The following ADORA2B variants were observed in gnomAD, a reference collection of about 807,000 sequenced individuals.
The protein encoded by ADORA2B is adenosine A2b receptor.
ADORA2B carries 18 observed loss-of-function variants against 20.8 expected under a neutral mutation model. The ratio of observed to expected loss-of-function variants is 0.87; its 90% CI spans 0.60 to 1.29. ADORA2B has a LOEUF of 1.29. Among genes scored for constraint, ADORA2B ranks in the 50% most tolerant of loss-of-function variants. The pLI is 0.00. For synonymous variants in ADORA2B, 179 were observed against 178.3 expected (o/e 1.00, Z -0.03); for missense variants, 441 against 422.7 (o/e 1.04, Z -0.38).
chr17:15,869,337 A>AT, the ADORA2B span, among the ~76,000 whole-genome samples: 570 of 149,530 alleles, frequency 3.8e-3, 2 homozygotes, highest in Admixed American at 7.0e-3. Context: ...AATAATAATA[A>AT]TAATTATTAT....
At chr17:15,938,082 T>C in the ADORA2B span, among the ~76,000 whole-genome samples, 1 of 152,052 alleles carries the variant, frequency 6.6e-6, no homozygotes, top group Non-Finnish European at 1.5e-5. Context: ...TAGTGGATCA[T>C]ATCTGTAGTC....
chr17:15,933,831 T>A, the ADORA2B span, among the ~76,000 whole-genome samples: 1 of 152,160 alleles, frequency 6.6e-6, no homozygotes, highest in Non-Finnish European at 1.5e-5. Flanking sequence ...TGGATGCCTC[T>A]TATTTGTTTT....
chr17:15,851,902 A>G, the ADORA2B span, among the ~76,000 whole-genome samples: 1 of 152,248 alleles, frequency 6.6e-6, no homozygotes, highest in Non-Finnish European at 1.5e-5. Flanking sequence ...CATACCATGC[A>G]AGGTACTGTT....
chr17:15,864,666 C>T, the ADORA2B span, among the ~76,000 whole-genome samples: 2 of 152,142 alleles, frequency 1.3e-5, no homozygotes, highest in Non-Finnish European at 2.9e-5. Context: ...TATCTGCTGG[C>T]AATGGTTGTC....
chr17:15,886,570 A>C, the ADORA2B span, among the ~76,000 whole-genome samples: 1 of 130,520 alleles, frequency 7.7e-6, no homozygotes, highest in Non-Finnish European at 1.6e-5. Context: ...CTGCCAGTCC[A>C]CTGACCGTGG....
chr17:15,877,323 G>A, the ADORA2B span, among the ~76,000 whole-genome samples: 3 of 152,156 alleles, frequency 2.0e-5, no homozygotes, highest in Non-Finnish European at 2.9e-5. Context: ...CTTTATGCTT[G>A]AGGTTTGACT....
chr17:15,974,396 C>G (rs1016847481), intron 1 of ADORA2B: 1 of 343,102 alleles, frequency 2.9e-6, no homozygotes, highest in Non-Finnish European at 5.3e-6. Context: ...TGAGGACTTA[C>G]AGTACTCCCT....
the ADORA2B span, among the ~76,000 whole-genome samples, chr17:15,922,912 T>A: frequency 6.6e-6 from 1 of 152,244 alleles, no homozygotes; most frequent in Admixed American, 6.5e-5. Context: ...TAGTTTTCAT[T>A]TGCATTTTGT....
the ADORA2B span, among the ~76,000 whole-genome samples, chr17:15,874,082 G>GTATATATATATA: frequency 7.3e-6 from 1 of 137,578 alleles, no homozygotes; most frequent in African/African-American, 2.9e-5. Context: ...ATATATATAT[G>GTATATATATATA]TATATATATG....
the ADORA2B span, among the ~76,000 whole-genome samples, chr17:15,930,383 G>A: frequency 3.3e-5 from 5 of 149,738 alleles, no homozygotes; most frequent in East Asian, 2.0e-4. Context: ...TGCAGCCTCC[G>A]CCTCCCAGGC....
the ADORA2B span, chr17:15,850,763 GTGTC>G: frequency 1.3e-5 from 2 of 157,566 alleles, no homozygotes; most frequent in African/African-American, 2.4e-5. Flanking sequence ...GTGTGTGTCT[GTGTC>G]TGTGTGTGTA....
chr17:15,973,716 G>T (rs1291279886), intron 1 of ADORA2B: 1 of 152,380 alleles, frequency 6.6e-6, no homozygotes, highest in African/African-American at 2.4e-5. Context: ...CATGAAGCTG[G>T]TCCCTGGTGC....
chr17:15,899,578 C>T, the ADORA2B span, among the ~76,000 whole-genome samples: 7 of 152,132 alleles, frequency 4.6e-5, no homozygotes, highest in Non-Finnish European at 8.8e-5. Flanking sequence ...AGTTGTTTTT[C>T]AGCCCTTGCC....
intron 1 of ADORA2B, among the ~76,000 whole-genome samples, chr17:15,970,403 A>G (rs978955461): frequency 3.3e-5 from 5 of 151,928 alleles, no homozygotes; most frequent in Non-Finnish European, 5.9e-5. Flanking sequence ...GATGGGGTGG[A>G]CTCCAGTTGT....
At position 15,974,891 on chromosome 17, in the gene ADORA2B, TA is replaced by T. The variant is rs760765633; in HGVS notation, c.549del (p.Tyr184IlefsTer14). ...FENVVPMSYMVYFNFFGCVLP... is the reference protein window; with the variant it reads ...FENVVPMSYMXYFNFFGCVLP... The stretch of plus-strand genomic sequence containing the variant: ...AATGTGGTCCCCATGAGCTACATGG[TA>T]TATTTCAATTTCTTTGGGTGTGTTC... On this transcript the variant is annotated frameshift_variant, in exon 2 of 2. Transcript: ENST00000304222. LOFTEE classifies it high-confidence loss of function. 6.2e-7 allele frequency: 1 copy of T among 1,614,146 alleles called. No individual in the cohort carries two copies. Among genetic ancestry groups the T allele is most frequent in the Non-Finnish European group, 8.5e-7 (1 of 1,180,008 alleles).
In ADORA2B at chr17:15,975,526, G is replaced by A; in HGVS notation, c.*184G>A. 1 of 613,386 alleles carries A rather than the reference G, an allele frequency of 1.6e-6. No homozygotes were observed. The highest frequency in any genetic ancestry group is 2.8e-6 in the Non-Finnish European group (1 of 353,442). 38.0% of individuals were successfully genotyped at this position (613,386 alleles called of 1,614,324 possible). On this transcript the variant is annotated 3_prime_UTR_variant, in exon 2 of 2. Coordinates refer to ENST00000304222, the MANE Select transcript of ADORA2B (RefSeq NM_000676.4). ...GTGTCAGTAGTAGGCTCCAAGGATT[G>A]ACAAATATATTTATGATCTATTCAG...
chr17:15,945,184 C>CAA lies in ADORA2B; in HGVS notation c.-64_-63insAA, dbSNP rs944023829. On this transcript the variant is annotated 5_prime_UTR_variant, in exon 1 of 2. The change abolishes the stop of an existing upstream ORF in the 5' untranslated region. Transcript: ENST00000304222. The stretch of plus-strand genomic sequence containing the variant: ...CGCTATGGCCATGCCCGGCGGGTCT[C>CAA]ACGCGGCTGCCCCTCGCCCGGCGCG... The CAA allele has an allele frequency of 2.2e-6, 3 of 1,335,656 alleles. No homozygotes were observed. Among genetic ancestry groups the CAA allele is most frequent in the Non-Finnish European group, 2.9e-6 (3 of 1,041,802 alleles). 82.7% of individuals were successfully genotyped at this position (1,335,656 alleles called of 1,614,324 possible). A position where few individuals can be genotyped will look rare whatever the true frequency, so the allele number is the denominator to read the frequency against.
chr17:15,914,110 G>A, the ADORA2B span, among the ~76,000 whole-genome samples: 2 of 152,196 alleles, frequency 1.3e-5, no homozygotes. Flanking sequence ...AGGAAAATGA[G>A]CCATACTGAG....
At chr17:15,955,210 C>T (rs571901402) in intron 1 of ADORA2B, among the ~76,000 whole-genome samples, 1 of 152,136 alleles carries the variant, frequency 6.6e-6, no homozygotes, top group Non-Finnish European at 1.5e-5. Flanking sequence ...AACCCGAGTA[C>T]ACAGAGGGCC....
Sources: allele counts gnomAD v4.1 joint callset (sites outside exome capture counted in the v4.1 genomes callset), GRCh38; gene constraint gnomAD v4.1.1; transcripts MANE v1.5; gene names NCBI Gene and HGNC (gene_info 2026-07-23, HGNC 2026-07-21).